Variants in ASIC2 observed in about 807,000 individuals in gnomAD.
ASIC2 encodes the protein acid sensing ion channel subunit 2, also known as acid-sensing ion channel 2.
Under a neutral mutation model 57.3 loss-of-function variants are expected in ASIC2, and 25 were observed. That is an observed-to-expected ratio of 0.44 (90% CI 0.32 to 0.61). The LOEUF (loss-of-function observed/expected upper bound fraction) is 0.61, where lower values mean the gene tolerates loss of function less well. Among genes scored for constraint, ASIC2 ranks in the 20% least tolerant of loss-of-function variants. The probability of loss-of-function intolerance (pLI) is 0.06; values close to 1 mark genes in which losing one functional copy is unlikely to be tolerated. For synonymous variants in ASIC2, 319 were observed against 307.5 expected (o/e 1.04, Z -0.39); for missense variants, 641 against 738.1 (o/e 0.87, Z 1.52).
intron 1 of ASIC2, among the ~76,000 whole-genome samples, chr17:33,505,702 G>A (rs1914227848): frequency 6.6e-6 from 1 of 152,120 alleles, no homozygotes; most frequent in Admixed American, 6.5e-5. Flanking sequence ...AAATCTTCTA[G>A]CCTCCTAGTC....
At chr17:34,031,114 G>C (rs1907592300) in intron 1 of ASIC2, among the ~76,000 whole-genome samples, 1 of 152,202 alleles carries the variant, frequency 6.6e-6, no homozygotes, top group Non-Finnish European at 1.5e-5. Context: ...GCACCCCCCA[G>C]TAGGGGCAGA....
At chr17:33,430,017 C>T (rs1911353208) in intron 1 of ASIC2, among the ~76,000 whole-genome samples, 1 of 152,186 alleles carries the variant, frequency 6.6e-6, no homozygotes, top group Non-Finnish European at 1.5e-5. Context: ...CTACTCATTT[C>T]ACAGACTATA....
At chr17:33,028,613 C>T (rs1467050339) in intron 3 of ASIC2, among the ~76,000 whole-genome samples, 1 of 152,130 alleles carries the variant, frequency 6.6e-6, no homozygotes, top group Admixed American at 6.5e-5. Flanking sequence ...TTTTGAACTC[C>T]TGGCTCAAGC....
intron 1 of ASIC2, among the ~76,000 whole-genome samples, chr17:33,412,100 G>A (rs956965715): frequency 1.3e-5 from 2 of 152,154 alleles, no homozygotes; most frequent in African/African-American, 2.4e-5. Flanking sequence ...TTTGGGCACT[G>A]GCTCCTCCTG....
At chr17:33,073,859 G>A (rs779555970) in intron 3 of ASIC2, among the ~76,000 whole-genome samples, 1 of 152,210 alleles carries the variant, frequency 6.6e-6, no homozygotes, top group Non-Finnish European at 1.5e-5. Context: ...GGGAGGTTTT[G>A]AGGAAGTGGA....
chr17:33,557,660 A>G (rs1436804353), intron 1 of ASIC2, among the ~76,000 whole-genome samples: 2 of 152,196 alleles, frequency 1.3e-5, no homozygotes, highest in Non-Finnish European at 1.5e-5. Context: ...TCCAAGACAT[A>G]TTTCTGCAGG....
chr17:33,686,651 C>A (rs1451927455), intron 1 of ASIC2, among the ~76,000 whole-genome samples: 3 of 152,206 alleles, frequency 2.0e-5, no homozygotes, highest in Non-Finnish European at 4.4e-5. Context: ...CAGCTCTGGC[C>A]TTGCAGTCAG....
intron 1 of ASIC2, among the ~76,000 whole-genome samples, chr17:33,386,347 C>A (rs1271960765): frequency 6.6e-6 from 1 of 152,184 alleles, no homozygotes; most frequent in Non-Finnish European, 1.5e-5. Context: ...GGATTTCTCA[C>A]TTTCCCCTAT....
At chr17:33,055,108 C>G (rs2091992780) in intron 3 of ASIC2, among the ~76,000 whole-genome samples, 1 of 152,192 alleles carries the variant, frequency 6.6e-6, no homozygotes, top group Admixed American at 6.5e-5. Context: ...GCAGGACAGT[C>G]TGTTGTATCT....
intron 1 of ASIC2, among the ~76,000 whole-genome samples, chr17:33,533,203 T>C (rs377295001): frequency 6.6e-6 from 1 of 151,900 alleles, no homozygotes; most frequent in Non-Finnish European, 1.5e-5. Flanking sequence ...AAAATTAGCC[T>C]GGTGTGGTGC....
chr17:34,057,729 A>G (rs1039040881), intron 1 of ASIC2, among the ~76,000 whole-genome samples: 1 of 152,182 alleles, frequency 6.6e-6, no homozygotes, highest in Non-Finnish European at 1.5e-5. Flanking sequence ...GTGCTTGGCA[A>G]TAGAAACTAA....
intron 1 of ASIC2, among the ~76,000 whole-genome samples, chr17:33,718,662 C>G (rs566221275): frequency 6.0e-4 from 91 of 152,276 alleles, no homozygotes; most frequent in Non-Finnish European, 1.1e-3. Flanking sequence ...CATGCCTCCG[C>G]AGAGAGAAGG....
intron 1 of ASIC2, among the ~76,000 whole-genome samples, chr17:34,000,637 T>G (rs146275397): frequency 3.0e-4 from 46 of 152,314 alleles, no homozygotes; most frequent in Middle Eastern, 6.8e-3. Flanking sequence ...GTTTGGGAAG[T>G]TTTATGTCAC....
At chr17:33,488,607 C>T (rs1913652697) in intron 1 of ASIC2, among the ~76,000 whole-genome samples, 1 of 152,114 alleles carries the variant, frequency 6.6e-6, no homozygotes, top group Non-Finnish European at 1.5e-5. Context: ...CATGGTAAAA[C>T]ACACACAGCA....
At chr17:33,248,303 T>C (rs180782888) in intron 1 of ASIC2, among the ~76,000 whole-genome samples, 97 of 152,194 alleles carry the variant, frequency 6.4e-4, no homozygotes, top group African/African-American at 2.3e-3. Context: ...AGTGGCTGAG[T>C]ACGTGATAGT....
Position 33,507,130 on chromosome 17 carries a change from C to T in ASIC2, c.556-395063G>A, listed in dbSNP as rs766276485. On this transcript the variant is annotated intron_variant, in intron 1 of 9. Coordinates refer to the ASIC2 transcript ENST00000359872. ...GGAGTCTCACTCCCAATACCTGATG[C>T]TCTATCTTCCCCCTCAGGACAATGA... Among the ~76,000 whole-genome samples the T allele has an allele frequency of 1.5e-3, 221 of 152,338 alleles. 1 individual carries two copies. Among genetic ancestry groups the T allele is most frequent in the Non-Finnish European group, 2.4e-3 (162 of 68,034 alleles).
chr17:33,066,433 A>G (rs1415256674), intron 3 of ASIC2, among the ~76,000 whole-genome samples: 1 of 152,124 alleles, frequency 6.6e-6, no homozygotes, highest in East Asian at 1.9e-4. Flanking sequence ...TTTGGAGGCC[A>G]CCCAGCCTGG....
intron 1 of ASIC2, among the ~76,000 whole-genome samples, chr17:33,662,044 T>C (rs1907284869): frequency 6.6e-6 from 1 of 152,118 alleles, no homozygotes; most frequent in Non-Finnish European, 1.5e-5. Flanking sequence ...AAATAATACT[T>C]CCTACTATGC....
intron 1 of ASIC2, among the ~76,000 whole-genome samples, chr17:33,329,323 G>A (rs1163735779): frequency 1.3e-5 from 2 of 152,176 alleles, no homozygotes; most frequent in Non-Finnish European, 2.9e-5. Flanking sequence ...CTTGTAAAGT[G>A]GTAGCCATTA....
Sources: allele counts gnomAD v4.1 joint callset (sites outside exome capture counted in the v4.1 genomes callset), GRCh38; gene constraint gnomAD v4.1.1; transcripts MANE v1.5; gene names NCBI Gene and HGNC (gene_info 2026-07-23, HGNC 2026-07-21).